The following PIK3R2 variants were observed in gnomAD, a reference collection of about 807,000 sequenced individuals.
PIK3R2 encodes phosphatidylinositol 3-kinase regulatory subunit beta.
In PIK3R2, 40 loss-of-function variants were observed where a neutral mutation model predicts 78.5. That is an observed-to-expected ratio of 0.51 (90% confidence interval 0.40 to 0.66). PIK3R2 has a LOEUF of 0.66. Among genes scored for constraint, PIK3R2 ranks in the 30% least tolerant of loss-of-function variants. The pLI is 0.00. For synonymous variants in PIK3R2, 473 were observed against 457.7 expected (o/e 1.03, Z -0.43); for missense variants, 880 against 1,026.6 (o/e 0.86, Z 1.95).
At chr19:18,169,010 G>A (rs959013718) in intron 15 of PIK3R2, 77 bp from the exon 16 acceptor site, 244 of 1,556,728 alleles carry the variant, frequency 1.6e-4, no homozygotes, top group Non-Finnish European at 2.1e-4. Flanking sequence ...CGGGACAGGG[G>A]AGCACGCGGC....
At position 18,156,918 on chromosome 19, in the gene PIK3R2, A is replaced by C. The variant is rs895164118; in HGVS notation, c.322+717A>C. Among the ~76,000 whole-genome samples, 2 of 152,096 alleles carry C rather than the reference A, an allele frequency of 1.3e-5. No homozygotes were observed. Among genetic ancestry groups the C allele is most frequent in the Non-Finnish European group, 2.9e-5 (2 of 68,010 alleles). Reference sequence around the variant, plus strand: ...CAGGGAGTGTGGGCTCTGGCCGGGGAAACTGTGGCCCAGGTTGCAAGGAGG... The same window carrying C: ...CAGGGAGTGTGGGCTCTGGCCGGGGCAACTGTGGCCCAGGTTGCAAGGAGG... On this transcript the variant is annotated intron_variant, in intron 2 of 15. Coordinates refer to ENST00000222254, the MANE Select transcript of PIK3R2 (RefSeq NM_005027.4). This position sits in a 1 kb window ranked among gnomAD's most constrained non-coding sequence, Gnocchi z 4.2.
In PIK3R2 at chr19:18,161,747, T is replaced by A. The variant is rs2043749649; in HGVS notation, c.816-219T>A. On this transcript the variant is annotated intron_variant, in intron 6 of 15. Coordinates refer to ENST00000222254, the MANE Select transcript of PIK3R2 (RefSeq NM_005027.4). The surrounding 1 kb of genome is among the most constrained non-coding windows in gnomAD (Gnocchi z 5.3). Reference sequence around the variant, plus strand: ...CTTCTGCTCGTCGCAGCTCCGGTACTGGTCTCTCGCTCGCCTTTGTGTGAG... The same window carrying A: ...CTTCTGCTCGTCGCAGCTCCGGTACAGGTCTCTCGCTCGCCTTTGTGTGAG... Among the ~76,000 whole-genome samples the A allele has an allele frequency of 6.6e-6, 1 of 152,186 alleles. No individual in the cohort carries two copies. Among genetic ancestry groups the A allele is most frequent in the Admixed American group, 6.5e-5 (1 of 15,276 alleles).
rs1555814260 is a variant in PIK3R2, at chr19:18,161,449, G to GCGCCGCCGCCGCCGTCCT, written c.780_797dup (p.Pro261_Pro266dup). 33 of 1,205,582 alleles carry GCGCCGCCGCCGCCGTCCT rather than the reference G, an allele frequency of 2.7e-5. No homozygotes were observed. The South Asian group carries it at 4.0e-4, about 15-fold the overall frequency. 74.7% of individuals were successfully genotyped at this position (1,205,582 alleles called of 1,614,324 possible). A position where few individuals can be genotyped will look rare whatever the true frequency, so the allele number is the denominator to read the frequency against. ...CACCTTTGGGCCGCTGCTGCTGCGC[G>GCGCCGCCGCCGCCGTCCT]CGCCGCCGCCGCCGTCCTCGCCGCC... is the stretch of plus-strand genomic sequence containing the variant. On this transcript the variant is annotated inframe_insertion, in exon 6 of 16. Coordinates refer to ENST00000222254, the MANE Select transcript of PIK3R2 (RefSeq NM_005027.4). This position sits in a 1 kb window ranked among gnomAD's most constrained non-coding sequence, Gnocchi z 5.3.
chr19:18,164,155 A>G (rs1273787088), intron 11 of PIK3R2, among the ~76,000 whole-genome samples: 1 of 152,162 alleles, frequency 6.6e-6, no homozygotes, highest in Non-Finnish European at 1.5e-5. Flanking sequence ...AAATAAAAAA[A>G]TAAGTGTACA....
rs3730179 is a variant in PIK3R2 at position 18,166,396 on chromosome 19, G to A, written c.1559+94G>A. 383,767 of 1,042,496 alleles carry A rather than the reference G, an allele frequency of 0.37. 73,645 individuals are homozygous for A. Among genetic ancestry groups the A allele is most frequent in the Middle Eastern group, 0.45 (1,571 of 3,520 alleles). The allele number at this position is 1,042,496 out of a possible 1,614,324, so 64.6% of individuals were successfully genotyped here. On this transcript the variant is annotated intron_variant, in intron 12 of 15. Transcript: ENST00000222254. ...GAAGCAGAAGGAGGCCAGCCACTTG[G>A]AGGCAAAGAGTAGTCTGTTGAAATG...
intron 9 of PIK3R2, 52 bp downstream of exon 9, chr19:18,162,558 G>A (rs745619469): frequency 1.5e-5 from 22 of 1,480,698 alleles, no homozygotes; most frequent in East Asian, 6.8e-5. Flanking sequence ...CACAGAGACC[G>A]GGAGTTCAGA....
Position 18,167,161 on chromosome 19 carries a change from C to T in PIK3R2, c.1591C>T (p.Arg531Cys), listed in dbSNP as rs372282843. The change falls in exon 13 of 16, where the codon CGC (arginine) becomes TGC (cysteine). Residue 531 changes from arginine to cysteine, a missense_variant. This residue lies in a region of PIK3R2 where 268 missense variants were observed against 299.1 expected (regional missense o/e 0.90). Transcript: ENST00000222254. The surrounding 1 kb of genome is among the most constrained non-coding windows in gnomAD (Gnocchi z 4.5). ...ILLNSERLKS[R>C]IAEIHESRTK... ...GCTGAACTCCGAGCGGCTCAAGTCC[C>T]GCATTGCCGAGATCCATGAGAGCCG... 4 of 1,603,904 alleles carry T rather than the reference C, an allele frequency of 2.5e-6. No homozygotes were observed. The highest frequency in any genetic ancestry group is 2.6e-6 in the Non-Finnish European group (3 of 1,175,254).
rs544178703 is a variant in PIK3R2 at position 18,163,569 on chromosome 19, C to T, written c.1416+181C>T. ...AAATAAGGCCAGGCACAGTGGCTCC[C>T]GTCTGTGTACTTGGGAGGCAGAGAC... On this transcript the variant is annotated intron_variant, in intron 11 of 15. Coordinates refer to ENST00000222254, the MANE Select transcript of PIK3R2 (RefSeq NM_005027.4). Among the ~76,000 whole-genome samples the T allele has an allele frequency of 2.6e-5, 4 of 152,234 alleles. No individual in the cohort carries two copies. The South Asian group carries it at 8.3e-4, about 32-fold the overall frequency.
At chr19:18,157,214 C>T (rs1289797845) in intron 2 of PIK3R2, among the ~76,000 whole-genome samples, 1 of 152,320 alleles carries the variant, frequency 6.6e-6, no homozygotes, top group East Asian at 1.9e-4. Context: ...AGCCTCCAGG[C>T]ATCTGGTATC....
chr19:18,158,708 G>T (rs1318199364), intron 2 of PIK3R2, among the ~76,000 whole-genome samples: 1 of 152,186 alleles, frequency 6.6e-6, no homozygotes, highest in Non-Finnish European at 1.5e-5. Flanking sequence ...AGGTCCTGTG[G>T]CCAAGATTGC....
chr19:18,167,454 T>G lies in PIK3R2; in HGVS notation c.1736+148T>G. 5.0e-6 allele frequency: 3 copies of G among 605,106 alleles called. No individual in the cohort carries two copies. The South Asian group carries it at 8.6e-5, about 17-fold the overall frequency. 37.5% of individuals were successfully genotyped at this position (605,106 alleles called of 1,614,324 possible). ...TTAAACTCGGTTCCTCCCGGGCCCCTTGAAAGTTTTCCCATAGGTCAGCCT... is the reference window on the plus strand; with the variant it reads ...TTAAACTCGGTTCCTCCCGGGCCCCGTGAAAGTTTTCCCATAGGTCAGCCT... On this transcript the variant is annotated intron_variant, in intron 13 of 15. Coordinates refer to ENST00000222254, the MANE Select transcript of PIK3R2 (RefSeq NM_005027.4). This position sits in a 1 kb window ranked among gnomAD's most constrained non-coding sequence, Gnocchi z 4.5.
rs376516684 is a variant in PIK3R2, at chr19:18,168,718, C to T, written c.1809-8C>T. 115 of 1,609,658 alleles carry T rather than the reference C, an allele frequency of 7.1e-5. No homozygotes were observed. Among genetic ancestry groups the T allele is most frequent in the Non-Finnish European group, 9.1e-5 (107 of 1,176,766 alleles). On this transcript the variant is annotated splice_region_variant and splice_polypyrimidine_tract_variant and intron_variant, in intron 14 of 15. Coordinates refer to ENST00000222254, the MANE Select transcript of PIK3R2 (RefSeq NM_005027.4). This position sits in a 1 kb window ranked among gnomAD's most constrained non-coding sequence, Gnocchi z 4.1. Reference sequence around the variant, plus strand: ...CAGGGCCCTCCCCGCCACCGCCCCCCACCCCAGCCAGTACGCACTCATGGA... The same window carrying T: ...CAGGGCCCTCCCCGCCACCGCCCCCTACCCCAGCCAGTACGCACTCATGGA...
At position 18,168,557 on chromosome 19, in the gene PIK3R2, G is replaced by A. The variant is rs753442485; in HGVS notation, c.1808+11G>A. ...AAATGAGACTGAGGAGTGAGTGACC[G>A]TCTGGAGGGAGGCAGGGAGGGCTTC... On this transcript the variant is annotated intron_variant, in intron 14 of 15. Coordinates refer to ENST00000222254, the MANE Select transcript of PIK3R2 (RefSeq NM_005027.4). The surrounding 1 kb of genome is among the most constrained non-coding windows in gnomAD (Gnocchi z 4.1). The A allele has an allele frequency of 7.7e-6, 6 of 781,696 alleles. No homozygotes were observed. In the African/African-American group the frequency reaches 8.5e-5, roughly 11 times the overall value. The allele number at this position is 781,696 out of a possible 1,614,324, so 48.4% of individuals were successfully genotyped here. A position where few individuals can be genotyped will look rare whatever the true frequency, so the allele number is the denominator to read the frequency against.
In PIK3R2 at chr19:18,167,196, G is replaced by A. The variant is rs1380613451; in HGVS notation, c.1626G>A (p.Leu542=). The change falls in exon 13 of 16, where the codon CTG becomes CTA. Residue 542 remains leucine (L), a synonymous_variant. Transcript: ENST00000222254. This position sits in a 1 kb window ranked among gnomAD's most constrained non-coding sequence, Gnocchi z 4.5. ...IAEIHESRTK[L]EQQLRAQASD... ...AGATCCATGAGAGCCGCACGAAGCT[G>A]GAGCAGCAGCTGCGGGCCCAGGCCT... 6.2e-7 allele frequency: 1 copy of A among 1,611,648 alleles called. No individual in the cohort carries two copies.
At position 18,163,337 on chromosome 19, in the gene PIK3R2, C is replaced by T. The variant is rs1256941687; in HGVS notation, c.1365C>T (p.Asp455=). ...AGGTCTATCACCAGCAGTACCAGGACAAGAGCCGCGAGTATGACCAGCTTT... is the reference window on the plus strand; with the variant it reads ...AGGTCTATCACCAGCAGTACCAGGATAAGAGCCGCGAGTATGACCAGCTTT... The part of the protein sequence containing the change: ...QLKVYHQQYQ[D]KSREYDQLYE... Residue 455 remains aspartate, a synonymous_variant, in exon 11 of 16, where the codon GAC becomes GAT. Transcript: ENST00000222254. 1 of 1,613,942 alleles carries T rather than the reference C, an allele frequency of 6.2e-7. No individual in the cohort carries two copies. Among genetic ancestry groups the T allele is most frequent in the Non-Finnish European group, 8.5e-7 (1 of 1,179,996 alleles).
At chr19:18,163,502 C>G in intron 11 of PIK3R2, 114 bp downstream of exon 11, 1 of 1,139,658 alleles carries the variant, frequency 8.8e-7, no homozygotes, top group Non-Finnish European at 1.3e-6. Flanking sequence ...TTGCAGGTCA[C>G]AGAGCAGGCA....
In PIK3R2 at chr19:18,169,101, C is replaced by T; in HGVS notation, c.1994C>T (p.Thr665Ile). Residue 665 changes from threonine (T) to isoleucine (I), a missense_variant, in exon 16 of 16, where the codon ACC (threonine) becomes ATC (isoleucine). Coordinates refer to ENST00000222254, the MANE Select transcript of PIK3R2 (RefSeq NM_005027.4). ...TGCCCCCACAGAGTGGACGGCGACA[C>T]CAAGCACTGCGTCATCTACCGCACG... ...YACSVVVDGD[T>I]KHCVIYRTAT... 4 of 1,611,112 alleles carry T rather than the reference C, an allele frequency of 2.5e-6. No individual in the cohort carries two copies. Among genetic ancestry groups the T allele is most frequent in the Middle Eastern group, 1.7e-4 (1 of 5,790 alleles).
intron 2 of PIK3R2, 95 bp from the exon 3 acceptor site, chr19:18,160,376 C>A: frequency 1.3e-6 from 1 of 795,592 alleles, no homozygotes; most frequent in East Asian, 2.5e-5. Context: ...GGCCCTGCCT[C>A]AAACTGCCCC....
At chr19:18,153,425 TG>T (rs1048717624) in intron 1 of PIK3R2, 131 bp downstream of exon 1, 7 of 151,880 alleles carry the variant, frequency 4.6e-5, no homozygotes, top group South Asian at 2.1e-4. Flanking sequence ...CCGCGGGAAC[TG>T]GGGGGGCCGC....
Sources: gnomAD v4.1 joint callset for allele counts (sites outside exome capture counted in the v4.1 genomes callset) on GRCh38, gnomAD v4.1.1 for gene constraint, gnomAD v4.1.1 regional missense constraint, Gnocchi (gnomAD v3.1) non-coding constraint, MANE v1.5 for transcripts, NCBI Gene and HGNC (gene_info 2026-07-23, HGNC 2026-07-21) for gene names.